NLGN1: variants seen among roughly 807,000 people sequenced by gnomAD.
NLGN1 encodes neuroligin-1.
A neutral mutation model predicts 65.5 loss-of-function variants in NLGN1; 12 were observed. That is an observed-to-expected ratio of 0.18 (90% CI 0.12 to 0.30). The LOEUF is 0.30. NLGN1 is among the 10% of genes least tolerant of loss of function. NLGN1 has a pLI of 1.00. For missense variants in NLGN1, 750 were observed against 1,007.1 expected, an observed-to-expected ratio of 0.74 and a Z score of 3.46; for synonymous variants, 350 against 359.5, an observed-to-expected ratio of 0.97 and a Z score of 0.30.
At chr3:173,649,525 ATTG>A (rs1221532155) in intron 3 of NLGN1, among the ~76,000 whole-genome samples, 2 of 152,142 alleles carry the variant, frequency 1.3e-5, no homozygotes, top group Non-Finnish European at 2.9e-5. Context: ...TTGAGTCCAC[ATTG>A]TTATTTTAAA....
intron 4 of NLGN1, among the ~76,000 whole-genome samples, chr3:174,106,107 CA>C (rs1394683209): frequency 6.6e-6 from 1 of 152,048 alleles, no homozygotes; most frequent in Non-Finnish European, 1.5e-5. Context: ...AAATGAAGTT[CA>C]AAAAAGTTAA....
intron 3 of NLGN1, among the ~76,000 whole-genome samples, chr3:173,728,704 G>A (rs548024366): frequency 2.0e-5 from 3 of 152,098 alleles, no homozygotes; most frequent in Non-Finnish European, 4.4e-5. Context: ...AGAACAACAT[G>A]TGAAAAACAG....
At chr3:173,835,265 C>T (rs1263867324) in intron 4 of NLGN1, among the ~76,000 whole-genome samples, 4 of 152,088 alleles carry the variant, frequency 2.6e-5, no homozygotes, top group Non-Finnish European at 5.9e-5. Context: ...GGTTGCTTCA[C>T]TCTTGTATCA....
In NLGN1 at chr3:174,181,806, CAT is replaced by C. The variant is rs369208110; in HGVS notation, c.647-93506_647-93505del. Among the ~76,000 whole-genome samples the C allele has an allele frequency of 5.5e-5, 6 of 109,858 alleles. 1 individual carries two copies. The highest frequency in any genetic ancestry group is 7.8e-5 in the Non-Finnish European group (4 of 51,602). 72.1% of individuals were successfully genotyped at this position (109,858 alleles called of 152,430 possible). ...ACACACACACACACACACACACACA[CAT>C]ATGTATGTACACACAAAACTTAGCC... On this transcript the variant is annotated intron_variant, in intron 4 of 6. Coordinates refer to ENST00000457714, the Ensembl canonical transcript of NLGN1.
intron 3 of NLGN1, among the ~76,000 whole-genome samples, chr3:173,676,254 G>A (rs1474496904): frequency 1.3e-5 from 2 of 152,072 alleles, no homozygotes; most frequent in Non-Finnish European, 2.9e-5. Context: ...TGATGCCTTT[G>A]ACAGACTATA....
At chr3:173,784,208 A>T (rs183441324) in intron 3 of NLGN1, among the ~76,000 whole-genome samples, 86 of 152,318 alleles carry the variant, frequency 5.6e-4, no homozygotes, top group Admixed American at 2.1e-3. Flanking sequence ...AGACTTTTAG[A>T]TTATAGAATA....
At chr3:174,178,598 C>G (rs1240397989) in intron 4 of NLGN1, among the ~76,000 whole-genome samples, 1 of 152,102 alleles carries the variant, frequency 6.6e-6, no homozygotes, top group Non-Finnish European at 1.5e-5. Flanking sequence ...AAAATTTCCT[C>G]AGGCCTTTCA....
intron 4 of NLGN1, among the ~76,000 whole-genome samples, chr3:173,812,975 CTTTATA>C (rs1302120443): frequency 6.6e-6 from 1 of 150,468 alleles, no homozygotes; most frequent in Non-Finnish European, 1.5e-5. Flanking sequence ...TGATATTCTA[CTTTATA>C]TTTATAATAT....
At chr3:173,932,157 A>G (rs1183782288) in intron 4 of NLGN1, among the ~76,000 whole-genome samples, 2 of 151,994 alleles carry the variant, frequency 1.3e-5, no homozygotes, top group Non-Finnish European at 2.9e-5. Context: ...ATGTGGGTAC[A>G]CAGGATCAAT....
intron 4 of NLGN1, among the ~76,000 whole-genome samples, chr3:174,148,044 T>C (rs182851984): frequency 3.9e-5 from 6 of 152,320 alleles, no homozygotes; most frequent in Admixed American, 2.0e-4. Flanking sequence ...CAAAAGAATG[T>C]GTGTCATTCA....
chr3:173,855,712 A>G (rs1727823336), intron 4 of NLGN1, among the ~76,000 whole-genome samples: 1 of 152,194 alleles, frequency 6.6e-6, no homozygotes. Context: ...TTTGAATTTC[A>G]AATAGTTCTG....
At chr3:174,248,780 A>G (rs1744262993) in intron 4 of NLGN1, among the ~76,000 whole-genome samples, 1 of 152,126 alleles carries the variant, frequency 6.6e-6, no homozygotes, top group South Asian at 2.1e-4. Flanking sequence ...AAAATAAAAG[A>G]CTGTATGTTG....
intron 4 of NLGN1, among the ~76,000 whole-genome samples, chr3:174,246,449 T>C (rs544890006): frequency 2.6e-5 from 4 of 152,336 alleles, no homozygotes; most frequent in African/African-American, 9.6e-5. Flanking sequence ...AGACAGGTTC[T>C]CACTCTGTCA....
intron 3 of NLGN1, 108 bp from the exon 3 acceptor site, chr3:173,605,426 C>T (rs1023262889): frequency 4.0e-5 from 20 of 497,702 alleles, no homozygotes; most frequent in Admixed American, 2.2e-4. Context: ...GGGGATCTTT[C>T]GCACTCAGTA....
At chr3:173,861,587 C>CAT (rs745828517) in intron 4 of NLGN1, among the ~76,000 whole-genome samples, 11 of 146,414 alleles carry the variant, frequency 7.5e-5, no homozygotes, top group African/African-American at 2.5e-4. Flanking sequence ...TATACACACA[C>CAT]ATATATGTGT....
chr3:173,574,505 A>G (rs1393982339), intron 2 of NLGN1, among the ~76,000 whole-genome samples: 1 of 152,126 alleles, frequency 6.6e-6, no homozygotes, highest in Non-Finnish European at 1.5e-5. Context: ...TTAAAGCATC[A>G]TTGAAAATAC....
intron 3 of NLGN1, among the ~76,000 whole-genome samples, chr3:173,712,630 A>G (rs1365082134): frequency 6.6e-6 from 1 of 152,178 alleles, no homozygotes; most frequent in South Asian, 2.1e-4. Flanking sequence ...ATGAGTTAAT[A>G]CACGGGAAGT....
intron 3 of NLGN1, among the ~76,000 whole-genome samples, chr3:173,765,466 G>A (rs1026041720): frequency 9.9e-5 from 15 of 151,998 alleles, no homozygotes; most frequent in African/African-American, 3.6e-4. Flanking sequence ...GGACAAGAAG[G>A]AGAAAAAAAT....
chr3:173,986,061 G>A (rs560774238), intron 4 of NLGN1, among the ~76,000 whole-genome samples: 19 of 152,282 alleles, frequency 1.2e-4, no homozygotes, highest in South Asian at 6.2e-4. Flanking sequence ...GTACTTCACC[G>A]TGTGACTTTA....
Sources: gnomAD v4.1 joint callset for allele counts (sites outside exome capture counted in the v4.1 genomes callset) on GRCh38, gnomAD v4.1.1 for gene constraint, MANE v1.5 for transcripts, NCBI Gene and HGNC (gene_info 2026-07-23, HGNC 2026-07-21) for gene names.